The following TENM3 variants were observed in gnomAD, a reference collection of about 807,000 sequenced individuals.
TENM3 encodes the protein teneurin transmembrane protein 3, also known as teneurin-3.
TENM3 carries 63 observed loss-of-function variants against 255.1 expected under a neutral mutation model. That is an observed-to-expected ratio of 0.25 (90% confidence interval 0.20 to 0.30). The LOEUF (loss-of-function observed/expected upper bound fraction) is 0.30, where lower values mean the gene tolerates loss of function less well. TENM3 is among the 10% of genes least tolerant of loss of function. TENM3 has a pLI of 1.00. For synonymous variants in TENM3, 1,306 were observed against 1,322.3 expected, an observed-to-expected ratio of 0.99 and a Z score of 0.27; for missense variants, 2,929 against 3,461.1, an observed-to-expected ratio of 0.85 and a Z score of 3.86.
At chr4:181,548,518 C>T in the TENM3 span, among the ~76,000 whole-genome samples, 1,063 of 152,240 alleles carry the variant, frequency 7.0e-3, 8 homozygotes, top group African/African-American at 0.021. Flanking sequence ...ACATTTCTTT[C>T]GGTTTTCATC....
the TENM3 span, among the ~76,000 whole-genome samples, chr4:181,455,390 A>G: frequency 6.6e-6 from 1 of 152,158 alleles, no homozygotes; most frequent in Non-Finnish European, 1.5e-5. Flanking sequence ...CATGGAGCAG[A>G]GGTCTTACCA....
the TENM3 span, among the ~76,000 whole-genome samples, chr4:181,892,166 C>A: frequency 8.5e-4 from 129 of 152,298 alleles, no homozygotes; most frequent in Non-Finnish European, 1.5e-3. Flanking sequence ...CCAACACAGA[C>A]TAAGACACTT....
chr4:182,683,778 C>T (rs934932917), intron 11 of TENM3, among the ~76,000 whole-genome samples: 2 of 151,998 alleles, frequency 1.3e-5, no homozygotes, highest in South Asian at 2.1e-4. Context: ...AATTGTGAGA[C>T]TTTGATGGCG....
the TENM3 span, among the ~76,000 whole-genome samples, chr4:181,551,845 TG>T: frequency 1.3e-3 from 3 of 2,306 alleles, no homozygotes; most frequent in Non-Finnish European, 6.4e-3. Flanking sequence ...TATATGTGTG[TG>T]TGTGTGTGTG....
intron 3 of TENM3, among the ~76,000 whole-genome samples, chr4:182,537,237 T>C (rs1210795839): frequency 6.6e-6 from 1 of 152,126 alleles, no homozygotes; most frequent in African/African-American, 2.4e-5. Flanking sequence ...ATCAGTGTCA[T>C]TGGTGGTTTC....
At chr4:182,574,656 A>G (rs1354321171) in intron 3 of TENM3, among the ~76,000 whole-genome samples, 2 of 152,086 alleles carry the variant, frequency 1.3e-5, no homozygotes, top group Admixed American at 1.3e-4. Flanking sequence ...ATGGCAAATC[A>G]CCTTCTAATA....
chr4:182,254,334 T>TC (rs369191132), intron 1 of TENM3, among the ~76,000 whole-genome samples: 1,728 of 65,016 alleles, frequency 0.027, 28 homozygotes, highest in African/African-American at 0.14. Context: ...TCTCTCTCTC[T>TC]TTTTTTTTTT....
chr4:181,688,342 GT>G, the TENM3 span, among the ~76,000 whole-genome samples: 2 of 152,022 alleles, frequency 1.3e-5, no homozygotes, highest in Non-Finnish European at 2.9e-5. Flanking sequence ...GTTCTACTTA[GT>G]TCACAAAGGA....
chr4:181,917,420 A>G, the TENM3 span, among the ~76,000 whole-genome samples: 1 of 152,092 alleles, frequency 6.6e-6, no homozygotes, highest in African/African-American at 2.4e-5. Flanking sequence ...AAACCCAGAA[A>G]CGTTCCAAGT....
intron 6 of TENM3, among the ~76,000 whole-genome samples, chr4:182,657,390 T>G (rs1210655927): frequency 6.6e-6 from 1 of 152,086 alleles, no homozygotes; most frequent in Non-Finnish European, 1.5e-5. Context: ...CAAGGGGAGC[T>G]CTCATTTTCT....
intron 3 of TENM3, among the ~76,000 whole-genome samples, chr4:182,450,575 G>T (rs975385354): frequency 1.3e-5 from 2 of 152,216 alleles, no homozygotes; most frequent in African/African-American, 4.8e-5. Context: ...CCGCTATAAA[G>T]TATGTTTAAT....
At chr4:182,526,912 T>A (rs1739254865) in intron 3 of TENM3, among the ~76,000 whole-genome samples, 1 of 152,214 alleles carries the variant, frequency 6.6e-6, no homozygotes, top group African/African-American at 2.4e-5. Flanking sequence ...ATATTATTGG[T>A]TACTTGTCTC....
chr4:182,168,956 A>G (rs1164862926), intron 1 of TENM3, among the ~76,000 whole-genome samples: 2 of 152,136 alleles, frequency 1.3e-5, no homozygotes, highest in African/African-American at 4.8e-5. Flanking sequence ...ATTTGTTTAT[A>G]TGTATACTTA....
At chr4:181,834,297 A>G in the TENM3 span, among the ~76,000 whole-genome samples, 1 of 152,216 alleles carries the variant, frequency 6.6e-6, no homozygotes, top group Non-Finnish European at 1.5e-5. Flanking sequence ...TTTGTTTTAC[A>G]CTAAAGAGAG....
At chr4:182,486,637 C>T (rs1203192699) in intron 3 of TENM3, among the ~76,000 whole-genome samples, 1 of 152,060 alleles carries the variant, frequency 6.6e-6, no homozygotes, top group Non-Finnish European at 1.5e-5. Context: ...TCACAAAAGC[C>T]ACAGAAAAAT....
At chr4:182,238,828 TCC>T (rs1757054086), upstream of TENM3, among the ~76,000 whole-genome samples, 1 of 152,152 alleles carries the variant, frequency 6.6e-6, no homozygotes, top group Non-Finnish European at 1.5e-5. Flanking sequence ...GTACCTTTTC[TCC>T]CTCTCTTTTT....
the TENM3 span, among the ~76,000 whole-genome samples, chr4:181,747,037 A>C: frequency 6.6e-6 from 1 of 152,072 alleles, no homozygotes; most frequent in Non-Finnish European, 1.5e-5. Flanking sequence ...GTCAATTCCT[A>C]TCAGAGGGTC....
At chr4:181,554,162 A>G in the TENM3 span, among the ~76,000 whole-genome samples, 1 of 152,214 alleles carries the variant, frequency 6.6e-6, no homozygotes, top group African/African-American at 2.4e-5. Flanking sequence ...GGAAAGGTAG[A>G]TGCTTTCCAT....
the TENM3 span, among the ~76,000 whole-genome samples, chr4:181,487,415 A>C: frequency 6.6e-6 from 1 of 152,172 alleles, no homozygotes; most frequent in Non-Finnish European, 1.5e-5. Context: ...ACAGTTCTGG[A>C]GGCAGGGACG....
Sources: gnomAD v4.1 joint callset for allele counts (sites outside exome capture counted in the v4.1 genomes callset) on GRCh38, gnomAD v4.1.1 for gene constraint, MANE v1.5 for transcripts, NCBI Gene and HGNC (gene_info 2026-07-23, HGNC 2026-07-21) for gene names.